TRAK1: variants seen among roughly 807,000 people sequenced by gnomAD.
The protein encoded by TRAK1 is trafficking kinesin-binding protein 1.
In TRAK1, 33 loss-of-function variants were observed where a neutral mutation model predicts 92.1. The observed-to-expected ratio is 0.36, with a 90% CI of 0.27 to 0.48. The LOEUF (loss-of-function observed/expected upper bound fraction) is 0.48, where lower values mean the gene tolerates loss of function less well. Ranked by LOEUF, TRAK1 falls within the 20% of genes least tolerant of loss-of-function variation. The pLI is 0.99. For synonymous variants in TRAK1, 521 were observed against 517.3 expected (o/e 1.01, Z -0.10); for missense variants, 1,123 against 1,257.9 (o/e 0.89, Z 1.62).
intron 1 of TRAK1, among the ~76,000 whole-genome samples, chr3:42,119,032 C>T (rs759687207): frequency 2.0e-5 from 3 of 152,184 alleles, no homozygotes; most frequent in Non-Finnish European, 2.9e-5. Context: ...GTCCTGCCAC[C>T]GGCTGCTGCT....
intron 15 of TRAK1, among the ~76,000 whole-genome samples, chr3:42,221,131 G>A (rs2149548213): frequency 7.7e-6 from 1 of 129,238 alleles, no homozygotes; most frequent in South Asian, 2.6e-4. Context: ...GAAATAAAAT[G>A]GAAACAAATC....
At chr3:42,040,563 G>C (rs1411423351) in intron 1 of TRAK1, among the ~76,000 whole-genome samples, 1 of 152,200 alleles carries the variant, frequency 6.6e-6, no homozygotes, top group South Asian at 2.1e-4. Context: ...TTTCCATATT[G>C]AGTTGCCTTA....
chr3:42,185,387 A>T (rs968288150), intron 4 of TRAK1, among the ~76,000 whole-genome samples: 4 of 152,230 alleles, frequency 2.6e-5, no homozygotes, highest in Admixed American at 2.0e-4. Flanking sequence ...TTTCCATGAT[A>T]TAAATCTTGG....
At chr3:42,163,412 T>C (rs1471823145) in intron 2 of TRAK1, among the ~76,000 whole-genome samples, 2 of 151,848 alleles carry the variant, frequency 1.3e-5, no homozygotes, top group Non-Finnish European at 2.9e-5. Flanking sequence ...CTACTAAAAA[T>C]GCAAAAATTA....
chr3:42,095,084 C>G (rs1372433501), intron 1 of TRAK1, among the ~76,000 whole-genome samples: 1 of 152,214 alleles, frequency 6.6e-6, no homozygotes, highest in African/African-American at 2.4e-5. Context: ...CAGAATCATT[C>G]TTGACCAAAT....
chr3:42,210,812 A>G, intron 14 of TRAK1: 2 of 985,472 alleles, frequency 2.0e-6, no homozygotes, highest in Non-Finnish European at 2.4e-6. Context: ...AGAAGACCCT[A>G]GATGAAGTTG....
At chr3:42,035,903 A>G (rs1336913968) in intron 1 of TRAK1, among the ~76,000 whole-genome samples, 3 of 152,122 alleles carry the variant, frequency 2.0e-5, no homozygotes, top group East Asian at 3.8e-4. Context: ...CCCAAACCCT[A>G]CTTGCTTCTC....
At chr3:42,014,173 G>C (rs1701420483) in intron 1 of TRAK1, 1 of 152,390 alleles carries the variant, frequency 6.6e-6, no homozygotes, top group African/African-American at 2.4e-5. Context: ...AGGGGCTGGG[G>C]AAGGACACGG....
intron 1 of TRAK1, among the ~76,000 whole-genome samples, chr3:42,094,232 G>T (rs1002569164): frequency 1.3e-5 from 2 of 152,182 alleles, no homozygotes; most frequent in African/African-American, 2.4e-5. Context: ...AGGCTGAGCA[G>T]CTGGGTTGGT....
intron 10 of TRAK1, among the ~76,000 whole-genome samples, chr3:42,196,956 C>CCT (rs145953745): frequency 0.053 from 7,604 of 143,544 alleles, 214 homozygotes; most frequent in Middle Eastern, 0.071. Context: ...TCTCCTTTCT[C>CCT]CTCTCTCTCT....
At chr3:42,017,293 A>G (rs562938360) in intron 1 of TRAK1, among the ~76,000 whole-genome samples, 2 of 152,288 alleles carry the variant, frequency 1.3e-5, no homozygotes, top group East Asian at 3.9e-4. Context: ...AAATGGACTC[A>G]GATTTATTTA....
intron 1 of TRAK1, among the ~76,000 whole-genome samples, chr3:42,112,433 A>C (rs975525534): frequency 1.3e-5 from 2 of 149,126 alleles, no homozygotes; most frequent in Non-Finnish European, 3.0e-5. Flanking sequence ...ATCTCAAAAA[A>C]AAAAGGAAAC....
intron 1 of TRAK1, among the ~76,000 whole-genome samples, chr3:42,019,633 A>G (rs1426341485): frequency 6.6e-6 from 1 of 152,142 alleles, no homozygotes; most frequent in Non-Finnish European, 1.5e-5. Context: ...AACATTCTGT[A>G]AGCTCTCAGT....
At chr3:42,154,392 C>T (rs1048914687) in intron 2 of TRAK1, among the ~76,000 whole-genome samples, 10 of 152,134 alleles carry the variant, frequency 6.6e-5, no homozygotes, top group Non-Finnish European at 1.0e-4. Flanking sequence ...AGGCTGGTCT[C>T]GAACTCCTGA....
At chr3:42,090,694 G>A (rs1472300515), upstream of TRAK1, among the ~76,000 whole-genome samples, 3 of 152,060 alleles carry the variant, frequency 2.0e-5, no homozygotes, top group African/African-American at 4.8e-5. Flanking sequence ...AAAACAAAAC[G>A]AAACAGCAAC....
intron 1 of TRAK1, among the ~76,000 whole-genome samples, chr3:42,102,352 C>T (rs1353840605): frequency 6.6e-6 from 1 of 152,252 alleles, no homozygotes; most frequent in Non-Finnish European, 1.5e-5. Context: ...TTAGAAGCTT[C>T]TTTTACCTTG....
intron 4 of TRAK1, 154 bp downstream of exon 4, chr3:42,184,955 C>CA: frequency 1.6e-6 from 1 of 641,340 alleles, no homozygotes; most frequent in Non-Finnish European, 2.7e-6. Flanking sequence ...TCTTCTGAAA[C>CA]GTTCACCTGG....
chr3:42,201,872 ACG>A lies in TRAK1; in HGVS notation c.1428-563_1428-562del, dbSNP rs1417245531. On this transcript the variant is annotated intron_variant, in intron 12 of 15. Transcript: ENST00000327628. ...AGAACCTGGACGGACGGACGGACGG[ACG>A]GACAGACGGACACACACACACACAC... Among the ~76,000 whole-genome samples, 119 of 133,848 alleles carry A rather than the reference ACG, an allele frequency of 8.9e-4. 2 individuals are homozygous for A. Among genetic ancestry groups the A allele is most frequent in the African/African-American group, 3.4e-3 (116 of 33,924 alleles). 87.8% of individuals were successfully genotyped at this position (133,848 alleles called of 152,430 possible). A position where few individuals can be genotyped will look rare whatever the true frequency, so the allele number is the denominator to read the frequency against.
At chr3:42,109,997 T>C (rs1289628282) in intron 1 of TRAK1, among the ~76,000 whole-genome samples, 2 of 149,708 alleles carry the variant, frequency 1.3e-5, no homozygotes, top group African/African-American at 4.9e-5. Context: ...ATATACCTAA[T>C]ATAAATGATG....
Sources: allele counts gnomAD v4.1 joint callset (sites outside exome capture counted in the v4.1 genomes callset), GRCh38; gene constraint gnomAD v4.1.1; transcripts MANE v1.5; gene names NCBI Gene and HGNC (gene_info 2026-07-23, HGNC 2026-07-21).